The following OR2J3 variants were observed in gnomAD, a reference collection of about 807,000 sequenced individuals.
OR2J3 encodes the protein olfactory receptor 2J3.
OR2J3 carries 13 observed loss-of-function variants against 18.5 expected under a neutral mutation model. The observed-to-expected ratio is 0.70, with a 90% CI of 0.46 to 1.12. The LOEUF (loss-of-function observed/expected upper bound fraction) is 1.12. Among genes scored for constraint, OR2J3 ranks in the 50% most tolerant of loss-of-function variants. The pLI is 0.00. For missense variants in OR2J3, 321 were observed against 371.6 expected (o/e 0.86, Z 1.12); for synonymous variants, 142 against 140.6 (o/e 1.01, Z -0.07).
chr6:29,111,922 C>G lies in OR2J3; in HGVS notation c.32C>G (p.Ser11Cys). The G allele has an allele frequency of 6.2e-7, 1 of 1,613,332 alleles. No homozygotes were observed. The highest frequency in any genetic ancestry group is 8.5e-7 in the Non-Finnish European group (1 of 1,179,686). Residue 11 changes from serine (S) to cysteine (C), a missense_variant, in exon 4 of 4, where the codon TCT (serine) becomes TGT (cysteine). Ser to Cys is a moderately radical substitution (Grantham distance 112, BLOSUM62 -1). Coordinates refer to ENST00000641151, the MANE Select transcript of OR2J3 (RefSeq NM_001005216.4). MNDDGKVNAS[S>C]EGYFILVGFS... ...GATGATGGAAAAGTCAATGCTAGCTCTGAGGGGTACTTTATTTTAGTTGGA... is the reference window on the plus strand; with the variant it reads ...GATGATGGAAAAGTCAATGCTAGCTGTGAGGGGTACTTTATTTTAGTTGGA...
Position 29,112,038 on chromosome 6 carries a change from A to G in OR2J3, c.148A>G (p.Ile50Val), listed in dbSNP as rs765503496. The change falls in exon 4 of 4, where the codon ATC becomes GTC. Residue 50 changes from isoleucine to valine, a missense_variant. Physicochemically the swap from Ile to Val is conservative, Grantham distance 29. Coordinates refer to ENST00000641151, the MANE Select transcript of OR2J3 (RefSeq NM_001005216.4). ...ACTGATAGGAAACCTGTTCATCATC[A>G]TCCTGTCATACCTGGACTCCCATCT... ...MTLIGNLFIIILSYLDSHLHT... is the reference protein window; with the variant it reads ...MTLIGNLFIIVLSYLDSHLHT... The G allele has an allele frequency of 5.0e-6, 8 of 1,613,936 alleles. No homozygotes were observed. Among genetic ancestry groups the G allele is most frequent in the East Asian group, 2.2e-5 (1 of 44,874 alleles).
chr6:29,112,842 A>G lies in OR2J3; in HGVS notation c.*16A>G. 1.3e-6 allele frequency: 2 copies of G among 1,590,812 alleles called. No individual in the cohort carries two copies. The highest frequency in any genetic ancestry group is 1.7e-4 in the Middle Eastern group (1 of 5,926). On this transcript the variant is annotated 3_prime_UTR_variant, in exon 4 of 4. Coordinates refer to ENST00000641151, the MANE Select transcript of OR2J3 (RefSeq NM_001005216.4). ...GTGGGAATGAGCCTGTGTATGTGTC[A>G]TATTAACAATATAACAGAGTCTCCC... is the stretch of plus-strand genomic sequence containing the variant.
At chr6:29,111,007 T>C (rs1029240873) in intron 3 of OR2J3, among the ~76,000 whole-genome samples, 8 of 152,146 alleles carry the variant, frequency 5.3e-5, no homozygotes, top group Admixed American at 1.3e-4. Context: ...GATGTTACTT[T>C]ACATAAGTCC....
chr6:29,112,913 TTCAC>T lies in OR2J3; in HGVS notation c.*94_*97del. 6.9e-7 allele frequency: 1 copy of T among 1,446,986 alleles called. No homozygotes were observed. The highest frequency in any genetic ancestry group is 1.4e-5 in the South Asian group (1 of 70,666). 89.6% of individuals were successfully genotyped at this position (1,446,986 alleles called of 1,614,324 possible). ...TATTTATTTATCAACCATTCTTTTATTCACTCACTCTGTTAGCACTTGCTGAGCA... is the reference window on the plus strand; with the variant it reads ...TATTTATTTATCAACCATTCTTTTATTCACTCTGTTAGCACTTGCTGAGCA... On this transcript the variant is annotated 3_prime_UTR_variant, in exon 4 of 4. Transcript: ENST00000641151.
Position 29,113,857 on chromosome 6 carries a change from A to T in OR2J3, c.*1031A>T, listed in dbSNP as rs1445170860. 1 of 152,186 alleles carries T rather than the reference A, an allele frequency of 6.6e-6. No homozygotes were observed. Among genetic ancestry groups the T allele is most frequent in the African/African-American group, 2.4e-5 (1 of 41,458 alleles). 9.4% of individuals were successfully genotyped at this position (152,186 alleles called of 1,614,324 possible). ...TAGAAGTAATCATTTTGTTTTATAT[A>T]TTATTGTCAACCATCTTCGTTTGAA... On this transcript the variant is annotated 3_prime_UTR_variant, in exon 4 of 4. Transcript: ENST00000641151.
chr6:29,112,018 T>G lies in OR2J3; in HGVS notation c.128T>G (p.Ile43Arg). Reference protein sequence around the residue: ...VVLIFYLMTLIGNLFIIILSY... With the variant: ...VVLIFYLMTLRGNLFIIILSY... ...TTGATCTTCTACTTGATGACACTGATAGGAAACCTGTTCATCATCATCCTG... is the reference window on the plus strand; with the variant it reads ...TTGATCTTCTACTTGATGACACTGAGAGGAAACCTGTTCATCATCATCCTG... The change falls in exon 4 of 4, where the codon ATA becomes AGA. Residue 43 changes from isoleucine (I) to arginine (R), a missense_variant. Transcript: ENST00000641151. The G allele has an allele frequency of 6.2e-7, 1 of 1,614,124 alleles. No homozygotes were observed. The highest frequency in any genetic ancestry group is 8.5e-7 in the Non-Finnish European group (1 of 1,180,026).
chr6:29,113,057 A>G lies in OR2J3; in HGVS notation c.*231A>G. On this transcript the variant is annotated 3_prime_UTR_variant, in exon 4 of 4. Transcript: ENST00000641151. ...TATGTAAAATCAAGATAAAACATCT[A>G]TAGTGATGTTTTTCCATGGTACAAA... 3 of 527,256 alleles carry G rather than the reference A, an allele frequency of 5.7e-6. No homozygotes were observed. Among genetic ancestry groups the G allele is most frequent in the Non-Finnish European group, 9.9e-6 (3 of 302,924 alleles). 32.7% of individuals were successfully genotyped at this position (527,256 alleles called of 1,614,324 possible). A position where few individuals can be genotyped will look rare whatever the true frequency, so the allele number is the denominator to read the frequency against.
At chr6:29,108,771 C>T (rs1762017728) in intron 2 of OR2J3, 53 bp from the exon 3 acceptor site, 1 of 152,170 alleles carries the variant, frequency 6.6e-6, no homozygotes, top group Non-Finnish European at 1.5e-5. Context: ...TTTGATATGG[C>T]TTTTGATAAG....
At chr6:29,109,961 T>C (rs573456631) in intron 3 of OR2J3, among the ~76,000 whole-genome samples, 32 of 152,254 alleles carry the variant, frequency 2.1e-4, no homozygotes, top group African/African-American at 7.0e-4. Context: ...TGGAGAAAAA[T>C]ACATCATGTA....
chr6:29,109,492 C>T (rs1762045991), intron 3 of OR2J3: 2 of 152,074 alleles, frequency 1.3e-5, no homozygotes, highest in Admixed American at 1.3e-4. Flanking sequence ...TTAAGAGACC[C>T]CTAAAAGAGG....
At chr6:29,110,058 T>A (rs1353887841) in intron 3 of OR2J3, among the ~76,000 whole-genome samples, 1 of 152,196 alleles carries the variant, frequency 6.6e-6, no homozygotes, top group Non-Finnish European at 1.5e-5. Context: ...CAGGTTCTCC[T>A]CCATTTTCCT....
intron 3 of OR2J3, among the ~76,000 whole-genome samples, chr6:29,110,354 C>G (rs373015579): frequency 6.6e-6 from 1 of 152,140 alleles, no homozygotes; most frequent in African/African-American, 2.4e-5. Flanking sequence ...CTAATTGAAG[C>G]TAAACATTTT....
chr6:29,111,083 C>G (rs1399505270), intron 3 of OR2J3, among the ~76,000 whole-genome samples: 2 of 152,122 alleles, frequency 1.3e-5, no homozygotes, highest in African/African-American at 4.8e-5. Context: ...ATAGTCCACA[C>G]TGAGATTTCT....
In OR2J3 at chr6:29,111,901, A is replaced by G. The variant is rs766364041; in HGVS notation, c.11A>G (p.Asp4Gly). The change falls in exon 4 of 4, where the codon GAT becomes GGT. Residue 4 changes from aspartate to glycine, a missense_variant. Coordinates refer to ENST00000641151, the MANE Select transcript of OR2J3 (RefSeq NM_001005216.4). ...CTCAGGTAATAGGAAATGAATGATG[A>G]TGGAAAAGTCAATGCTAGCTCTGAG... Reference protein sequence around the residue: MNDDGKVNASSEGY... With the variant: MNDGGKVNASSEGY... The G allele has an allele frequency of 6.2e-7, 1 of 1,608,360 alleles. No homozygotes were observed. Among genetic ancestry groups the G allele is most frequent in the South Asian group, 1.1e-5 (1 of 90,098 alleles).
rs971260871 is a variant in OR2J3, at chr6:29,114,352, A to G, written c.*1526A>G. 5 of 151,974 alleles carry G rather than the reference A, an allele frequency of 3.3e-5. No individual in the cohort carries two copies. The highest frequency in any genetic ancestry group is 4.8e-5 in the African/African-American group (2 of 41,402). The allele number at this position is 151,974 out of a possible 1,614,324, so 9.4% of individuals were successfully genotyped here. ...ACACATTTTTAAAAACTTAAAGAAC[A>G]TAACTTCGCCCTTTGAACTGTTTTC... On this transcript the variant is annotated 3_prime_UTR_variant, in exon 4 of 4. Transcript: ENST00000641151.
At position 29,113,133 on chromosome 6, in the gene OR2J3, T is replaced by A; in HGVS notation, c.*307T>A. On this transcript the variant is annotated 3_prime_UTR_variant, in exon 4 of 4. Transcript: ENST00000641151. ...CTCGATTGAAAATAAGGCATGAAAT[T>A]TGTTGTAAATCTTGATAAAAGCGAA... The A allele has an allele frequency of 3.3e-6, 1 of 304,220 alleles. No individual in the cohort carries two copies. Among genetic ancestry groups the A allele is most frequent in the Non-Finnish European group, 6.1e-6 (1 of 165,068 alleles). 18.8% of individuals were successfully genotyped at this position (304,220 alleles called of 1,614,324 possible).
rs1450444678 is a variant in OR2J3, at chr6:29,113,700, TA to T, written c.*875del. 2 of 152,216 alleles carry T rather than the reference TA, an allele frequency of 1.3e-5. No individual in the cohort carries two copies. The highest frequency in any genetic ancestry group is 4.8e-5 in the African/African-American group (2 of 41,462). The allele number at this position is 152,216 out of a possible 1,614,324, so 9.4% of individuals were successfully genotyped here. ...ATGTGAAAATATATTGGAAAAATTT[TA>T]TGATAGAAACTGTCATATGGAAAAT... On this transcript the variant is annotated 3_prime_UTR_variant, in exon 4 of 4. Coordinates refer to ENST00000641151, the MANE Select transcript of OR2J3 (RefSeq NM_001005216.4).
In OR2J3 at chr6:29,112,258, A is replaced by G. The variant is rs1762162554; in HGVS notation, c.368A>G (p.Tyr123Cys). ...TECVLLVVMS[Y>C]DRYAAVCRPL... is the part of the protein sequence containing the mutation. ...TGTGTCCTACTGGTGGTGATGTCCT[A>G]TGACCGTTATGCAGCTGTGTGTAGA... The change falls in exon 4 of 4, where the codon TAT becomes TGT. Residue 123 changes from tyrosine to cysteine, a missense_variant. Physicochemically the swap from Tyr to Cys is radical, Grantham distance 194 (BLOSUM62 -2). Transcript: ENST00000641151. 1 of 1,614,082 alleles carries G rather than the reference A, an allele frequency of 6.2e-7. No homozygotes were observed. Among genetic ancestry groups the G allele is most frequent in the South Asian group, 1.1e-5 (1 of 91,078 alleles).
Position 29,113,991 on chromosome 6 carries a change from G to T in OR2J3, c.*1165G>T, listed in dbSNP as rs1762243826. On this transcript the variant is annotated 3_prime_UTR_variant, in exon 4 of 4. Coordinates refer to ENST00000641151, the MANE Select transcript of OR2J3 (RefSeq NM_001005216.4). ...AAAGTAACGTACTTGCAATGCCTGA[G>T]TTTTCTCTATAACTCAAATGTCAGC... 6.6e-6 allele frequency: 1 copy of T among 152,150 alleles called. No individual in the cohort carries two copies. Among genetic ancestry groups the T allele is most frequent in the African/African-American group, 2.4e-5 (1 of 41,444 alleles). 9.4% of individuals were successfully genotyped at this position (152,150 alleles called of 1,614,324 possible).
Sources: allele counts gnomAD v4.1 joint callset (sites outside exome capture counted in the v4.1 genomes callset), GRCh38; gene constraint gnomAD v4.1.1; transcripts MANE v1.5; gene names NCBI Gene and HGNC (gene_info 2026-07-23, HGNC 2026-07-21).